Variants in PCDHGA11 observed in about 807,000 individuals in gnomAD.
PCDHGA11 encodes protocadherin gamma-A11.
In PCDHGA11, 39 loss-of-function variants were observed where a neutral mutation model predicts 60.4. The observed-to-expected ratio is 0.65, with a 90% CI of 0.50 to 0.84. The LOEUF (loss-of-function observed/expected upper bound fraction) is 0.84. Ranked by LOEUF, PCDHGA11 falls within the 40% of genes least tolerant of loss-of-function variation. PCDHGA11 has a pLI of 0.00. For synonymous variants in PCDHGA11, 533 were observed against 510.3 expected (o/e 1.04, Z -0.60); for missense variants, 1,165 against 1,197.7 (o/e 0.97, Z 0.40).
intron 1 of PCDHGA11, chr5:141,430,960 C>T (rs2097330619): frequency 6.2e-7 from 1 of 1,612,432 alleles, no homozygotes; most frequent in Non-Finnish European, 8.5e-7. Context: ...TCCGCATCAT[C>T]CCCAGAGGTA....
intron 1 of PCDHGA11, among the ~76,000 whole-genome samples, chr5:141,472,508 C>T (rs140607073): frequency 0.01 from 1,548 of 151,922 alleles, 35 homozygotes; most frequent in African/African-American, 0.035. Flanking sequence ...CCACTGCACT[C>T]CAGCCTGGGT....
Position 141,486,697 on chromosome 5 carries a change from C to G in PCDHGA11, c.2434-8110C>G. 1 of 1,614,176 alleles carries G rather than the reference C, an allele frequency of 6.2e-7. No individual in the cohort carries two copies. The highest frequency in any genetic ancestry group is 8.5e-7 in the Non-Finnish European group (1 of 1,180,032). ...GAGATGTATCAGCTTCCTCTTTCATCTCTCTGAACCCCCAGACAGGAGCTG... is the reference window on the plus strand; with the variant it reads ...GAGATGTATCAGCTTCCTCTTTCATGTCTCTGAACCCCCAGACAGGAGCTG... On this transcript the variant is annotated intron_variant, in intron 1 of 3. Coordinates refer to ENST00000398587, the MANE Select transcript of PCDHGA11 (RefSeq NM_018914.3). The surrounding 1 kb of genome is among the most constrained non-coding windows in gnomAD (Gnocchi z 5.0).
At position 141,423,671 on chromosome 5, in the gene PCDHGA11, T is replaced by C. The variant is rs773279181; in HGVS notation, c.2433+11T>C. 7 of 1,550,720 alleles carry C rather than the reference T, an allele frequency of 4.5e-6. No individual in the cohort carries two copies. Among genetic ancestry groups the C allele is most frequent in the Non-Finnish European group, 5.2e-6 (6 of 1,151,390 alleles). ...CCGACAAGTAATCAGGTGAGATTTA[T>C]TTCTCTGCCTCCTAATTGTTGGTGT... On this transcript the variant is annotated intron_variant, in intron 1 of 3. Coordinates refer to ENST00000398587, the MANE Select transcript of PCDHGA11 (RefSeq NM_018914.3).
chr5:141,431,022 G>A lies in PCDHGA11; in HGVS notation c.2433+7362G>A. ...CGCAGCGGCAGCTTGGTCACGGCGG[G>A]CAGGATAGACCGGGAGGAGCTCTGT... On this transcript the variant is annotated intron_variant, in intron 1 of 3. Transcript: ENST00000398587. This position sits in a 1 kb window ranked among gnomAD's most constrained non-coding sequence, Gnocchi z 4.8. 1 of 1,614,078 alleles carries A rather than the reference G, an allele frequency of 6.2e-7. No individual in the cohort carries two copies. Among genetic ancestry groups the A allele is most frequent in the African/African-American group, 1.3e-5 (1 of 75,074 alleles).
At chr5:141,508,700 CCT>C in intron 3 of PCDHGA11, among the ~76,000 whole-genome samples, 1 of 152,158 alleles carries the variant, frequency 6.6e-6, no homozygotes, top group Non-Finnish European at 1.5e-5. Flanking sequence ...CCGTGTTCCT[CCT>C]CATTCTTTTC....
At position 141,458,567 on chromosome 5, in the gene PCDHGA11, T is replaced by TTTTG. The variant is rs144471304; in HGVS notation, c.2433+34923_2433+34926dup. Among the ~76,000 whole-genome samples the TTTTG allele has an allele frequency of 8.6e-5, 13 of 151,610 alleles. No individual in the cohort carries two copies. The East Asian group carries it at 1.5e-3, about 18-fold the overall frequency. On this transcript the variant is annotated intron_variant, in intron 1 of 3. Coordinates refer to ENST00000398587, the MANE Select transcript of PCDHGA11 (RefSeq NM_018914.3). ...TTGTTTGTTTGTTTTGGTTTTGGGT[T>TTTTG]TTTGTTTGTTTGTTTGTTTTGGAGA...
At chr5:141,460,951 G>GTATATATATA (rs200454978) in intron 1 of PCDHGA11, among the ~76,000 whole-genome samples, 1 of 139,722 alleles carries the variant, frequency 7.2e-6, no homozygotes, top group African/African-American at 2.8e-5. Context: ...TATGTATTAT[G>GTATATATATA]TATATATATA....
At chr5:141,449,542 T>C (rs1379019468) in intron 1 of PCDHGA11, among the ~76,000 whole-genome samples, 2 of 142,482 alleles carry the variant, frequency 1.4e-5, no homozygotes, top group African/African-American at 5.3e-5. Context: ...TGAGCCGAGA[T>C]CGCACCACTG....
At chr5:141,437,896 C>T (rs943440712) in intron 1 of PCDHGA11, among the ~76,000 whole-genome samples, 2 of 152,128 alleles carry the variant, frequency 1.3e-5, no homozygotes, top group African/African-American at 4.8e-5. Flanking sequence ...CGCCACCACA[C>T]CCAGCTAATT....
rs907427230 is a variant in PCDHGA11, at chr5:141,489,936, G to A, written c.2434-4871G>A. 4 of 1,614,096 alleles carry A rather than the reference G, an allele frequency of 2.5e-6. No homozygotes were observed. In the African/African-American group the frequency reaches 5.3e-5, roughly 22 times the overall value. ...GGACCACCCTTATCTCTGTCATCGT[G>A]CTGGACATCAATGATAATGCTCCAA... is the stretch of plus-strand genomic sequence containing the variant. On this transcript the variant is annotated intron_variant, in intron 1 of 3. Coordinates refer to ENST00000398587, the MANE Select transcript of PCDHGA11 (RefSeq NM_018914.3). This position sits in a 1 kb window ranked among gnomAD's most constrained non-coding sequence, Gnocchi z 4.5.
In PCDHGA11 at chr5:141,485,037, C is replaced by T. The variant is rs2099605532; in HGVS notation, c.2434-9770C>T. 1.0e-5 allele frequency: 7 copies of T among 702,746 alleles called. No individual in the cohort carries two copies. Among genetic ancestry groups the T allele is most frequent in the Non-Finnish European group, 1.5e-5 (6 of 402,836 alleles). 43.5% of individuals were successfully genotyped at this position (702,746 alleles called of 1,614,324 possible). A position where few individuals can be genotyped will look rare whatever the true frequency, so the allele number is the denominator to read the frequency against. ...GCCACCAGCAAAAACGGCGCGTAAC[C>T]CTTGCGGCGCCGGCCGAACCGCGCC... is the stretch of plus-strand genomic sequence containing the variant. On this transcript the variant is annotated intron_variant, in intron 1 of 3. Transcript: ENST00000398587. The surrounding 1 kb of genome is among the most constrained non-coding windows in gnomAD (Gnocchi z 5.7).
At chr5:141,455,903 ATTTATTT>A (rs2098836354) in intron 1 of PCDHGA11, among the ~76,000 whole-genome samples, 1 of 145,228 alleles carries the variant, frequency 6.9e-6, no homozygotes, top group African/African-American at 2.7e-5. Context: ...TTATTTATTT[ATTTATTT>A]ATTTTGAGAC....
rs781173890 is a variant in PCDHGA11, at chr5:141,476,165, G to T, written c.2434-18642G>T. 5.3e-5 allele frequency: 86 copies of T among 1,613,106 alleles called. No individual in the cohort carries two copies. Among genetic ancestry groups the T allele is most frequent in the Non-Finnish European group, 7.2e-5 (85 of 1,179,976 alleles). On this transcript the variant is annotated intron_variant, in intron 1 of 3. Transcript: ENST00000398587. The surrounding 1 kb of genome is among the most constrained non-coding windows in gnomAD (Gnocchi z 7.6). ...CGGACTGGTAAGCACCGGGAGGGTA[G>T]TGGGAGTTTTGCTTCTGCTTGGTGC...
chr5:141,496,284 G>A (rs1052943936), intron 2 of PCDHGA11, among the ~76,000 whole-genome samples: 6 of 152,210 alleles, frequency 3.9e-5, no homozygotes, highest in Admixed American at 1.3e-4. Context: ...CAGTTGGTCT[G>A]AGCAGAGTGG....
At chr5:141,428,466 A>G (rs1230267635) in intron 1 of PCDHGA11, 1 of 344,756 alleles carries the variant, frequency 2.9e-6, no homozygotes, top group Admixed American at 4.1e-5. Context: ...ACAATGAGGG[A>G]ACTTTGCTTT....
chr5:141,485,338 T>C lies in PCDHGA11; in HGVS notation c.2434-9469T>C, dbSNP rs1259658641. The stretch of plus-strand genomic sequence containing the variant: ...ATGTCGCTCAAGATTTCCTGCTGGA[T>C]ACGGACAGTCTGTCAGCTCGCAGGC... On this transcript the variant is annotated intron_variant, in intron 1 of 3. Coordinates refer to ENST00000398587, the MANE Select transcript of PCDHGA11 (RefSeq NM_018914.3). The surrounding 1 kb of genome is among the most constrained non-coding windows in gnomAD (Gnocchi z 5.7). 1 of 1,614,140 alleles carries C rather than the reference T, an allele frequency of 6.2e-7. No individual in the cohort carries two copies. Among genetic ancestry groups the C allele is most frequent in the Non-Finnish European group, 8.5e-7 (1 of 1,180,006 alleles).
Position 141,486,914 on chromosome 5 carries a change from C to T in PCDHGA11, c.2434-7893C>T, listed in dbSNP as rs1469857080. On this transcript the variant is annotated intron_variant, in intron 1 of 3. Coordinates refer to ENST00000398587, the MANE Select transcript of PCDHGA11 (RefSeq NM_018914.3). This position sits in a 1 kb window ranked among gnomAD's most constrained non-coding sequence, Gnocchi z 5.0. ...TGGTTCCTTATGTCCCCAAGCACTG[C>T]CTCCATCAGTTGGTGCTGGCCACCT... The T allele has an allele frequency of 6.2e-7, 1 of 1,614,236 alleles. No individual in the cohort carries two copies.
At chr5:141,468,560 T>G (rs571224791) in intron 1 of PCDHGA11, 1 of 152,004 alleles carries the variant, frequency 6.6e-6, no homozygotes, top group Non-Finnish European at 1.5e-5. Flanking sequence ...ATTTGTGATA[T>G]AGTAAACAAT....
chr5:141,503,781 G>A (rs1393561411), intron 2 of PCDHGA11, among the ~76,000 whole-genome samples: 1 of 152,110 alleles, frequency 6.6e-6, no homozygotes, highest in East Asian at 1.9e-4. Flanking sequence ...TTCTTAGGCT[G>A]AGTTCATCTA....
Sources: allele counts gnomAD v4.1 joint callset (sites outside exome capture counted in the v4.1 genomes callset), GRCh38; gene constraint gnomAD v4.1.1; non-coding constraint Gnocchi (gnomAD v3.1); transcripts MANE v1.5; gene names NCBI Gene and HGNC (gene_info 2026-07-23, HGNC 2026-07-21).